ANO10: variants seen among roughly 807,000 people sequenced by gnomAD.
The protein encoded by ANO10 is anoctamin-10.
In ANO10, 77 loss-of-function variants were observed where a neutral mutation model predicts 74.7. The observed-to-expected ratio is 1.03, with a 90% CI of 0.86 to 1.25. ANO10 has a LOEUF of 1.25. Ranked by LOEUF, ANO10 falls within the 50% of genes most tolerant of loss-of-function variation. ANO10 has a pLI of 0.00. For missense variants in ANO10, 721 were observed against 778.1 expected, an observed-to-expected ratio of 0.93 and a Z score of 0.87; for synonymous variants, 279 against 284.9, an observed-to-expected ratio of 0.98 and a Z score of 0.21.
chr3:43,371,702 C>G (rs997756539), intron 12 of ANO10, among the ~76,000 whole-genome samples: 4 of 152,202 alleles, frequency 2.6e-5, no homozygotes, highest in Non-Finnish European at 5.9e-5. Context: ...AAGGGCTTCT[C>G]TACAGGTGTC....
intron 12 of ANO10, among the ~76,000 whole-genome samples, chr3:43,426,870 ATGTC>A (rs2092907026): frequency 6.6e-6 from 1 of 152,304 alleles, no homozygotes; most frequent in South Asian, 2.1e-4. Flanking sequence ...ACCTTCAAGT[ATGTC>A]TAATTTGCCT....
At chr3:43,475,016 C>A (rs2076011176) in intron 11 of ANO10, among the ~76,000 whole-genome samples, 1 of 152,166 alleles carries the variant, frequency 6.6e-6, no homozygotes, top group African/African-American at 2.4e-5. Context: ...TTACCCAAAT[C>A]TTAATAGCCA....
intron 11 of ANO10, among the ~76,000 whole-genome samples, chr3:43,444,282 A>T (rs936451718): frequency 6.6e-6 from 1 of 152,154 alleles, no homozygotes; most frequent in Non-Finnish European, 1.5e-5. Context: ...AGCAATTTAC[A>T]TGTGTTAAAG....
At chr3:43,681,988 A>C (rs997084371) in intron 1 of ANO10, among the ~76,000 whole-genome samples, 2 of 152,216 alleles carry the variant, frequency 1.3e-5, no homozygotes, top group African/African-American at 4.8e-5. Context: ...GAAAGATCTA[A>C]AATTGACACC....
chr3:43,597,371 A>G (rs2082138236), intron 4 of ANO10, among the ~76,000 whole-genome samples: 1 of 152,242 alleles, frequency 6.6e-6, no homozygotes, highest in Admixed American at 6.5e-5. Flanking sequence ...CCAAATGTCT[A>G]TCAGTGATAG....
At chr3:43,546,990 A>G (rs1210567393) in intron 11 of ANO10, among the ~76,000 whole-genome samples, 1 of 152,228 alleles carries the variant, frequency 6.6e-6, no homozygotes, top group Admixed American at 6.5e-5. Flanking sequence ...ACTAAGGCCC[A>G]TTATGATTAA....
intron 9 of ANO10, among the ~76,000 whole-genome samples, chr3:43,559,146 C>A (rs1386831481): frequency 6.6e-6 from 1 of 152,132 alleles, no homozygotes; most frequent in Non-Finnish European, 1.5e-5. Context: ...CCTCCCTCAC[C>A]GTCCTTCATA....
chr3:43,515,597 A>C (rs1355899030), intron 11 of ANO10, among the ~76,000 whole-genome samples: 1 of 152,190 alleles, frequency 6.6e-6, no homozygotes, highest in Non-Finnish European at 1.5e-5. Flanking sequence ...AGAGAAATAC[A>C]ATAAACTTCT....
chr3:43,447,488 C>T (rs2093264797), intron 11 of ANO10, among the ~76,000 whole-genome samples: 1 of 152,164 alleles, frequency 6.6e-6, no homozygotes, highest in South Asian at 2.1e-4. Context: ...ACACACTTAA[C>T]CGCCATTTGC....
At chr3:43,506,059 G>A (rs988950537) in intron 11 of ANO10, among the ~76,000 whole-genome samples, 1 of 152,172 alleles carries the variant, frequency 6.6e-6, no homozygotes, top group East Asian at 1.9e-4. Context: ...GCTATAATTT[G>A]GAATAAGTAC....
chr3:43,648,177 T>C (rs2083746732), intron 1 of ANO10, among the ~76,000 whole-genome samples: 1 of 152,162 alleles, frequency 6.6e-6, no homozygotes, highest in South Asian at 2.1e-4. Context: ...TAAAAATGCA[T>C]TCATTAACTT....
At chr3:43,436,352 G>GGAA (rs1235099259) in intron 11 of ANO10, among the ~76,000 whole-genome samples, 2 of 152,092 alleles carry the variant, frequency 1.3e-5, no homozygotes, top group Non-Finnish European at 2.9e-5. Flanking sequence ...ACAGAGGGGT[G>GGAA]GAAGGAGCCT....
At position 43,576,971 on chromosome 3, in the gene ANO10, T is replaced by C; in HGVS notation, c.883A>G (p.Asn295Asp). 6.2e-7 allele frequency: 1 copy of C among 1,613,956 alleles called. No individual in the cohort carries two copies. The highest frequency in any genetic ancestry group is 8.5e-7 in the Non-Finnish European group (1 of 1,179,834). The part of the protein sequence containing the change: ...RPGFHGVLGI[N>D]SITGKEEPLY... ...GGCTCCTCCTTCCCAGTGATGGAATTGATACCCAAGACACCATGAAATCCT... is the reference window on the plus strand; with the variant it reads ...GGCTCCTCCTTCCCAGTGATGGAATCGATACCCAAGACACCATGAAATCCT... Residue 295 changes from asparagine to aspartate, a missense_variant, in exon 6 of 13, where the codon AAT becomes GAT. Transcript: ENST00000292246.
chr3:43,665,704 G>A (rs544881282), intron 1 of ANO10, among the ~76,000 whole-genome samples: 14 of 151,976 alleles, frequency 9.2e-5, no homozygotes, highest in East Asian at 1.9e-4. Flanking sequence ...TGAGTAATTC[G>A]CAAAATCTTC....
At chr3:43,599,956 T>A (rs1434562912) in intron 3 of ANO10, among the ~76,000 whole-genome samples, 3 of 152,192 alleles carry the variant, frequency 2.0e-5, no homozygotes, top group Non-Finnish European at 4.4e-5. Context: ...TTTTGTTGAC[T>A]TAGAATTGAT....
intron 1 of ANO10, among the ~76,000 whole-genome samples, chr3:43,630,891 T>C (rs994708655): frequency 7.2e-5 from 11 of 151,908 alleles, no homozygotes; most frequent in African/African-American, 2.2e-4. Context: ...GCCTTTTTTT[T>C]CCCCTTTCAC....
At chr3:43,504,280 ATAGGTAGG>A (rs202181247) in intron 11 of ANO10, among the ~76,000 whole-genome samples, 4 of 143,664 alleles carry the variant, frequency 2.8e-5, no homozygotes, top group East Asian at 2.1e-4. Flanking sequence ...AAATAAGTAG[ATAGGTAGG>A]TAGGTAGGTA....
In ANO10 at chr3:43,372,894, G is replaced by T. The variant is rs987197841; in HGVS notation, c.1915-5920C>A. 49 of 1,519,120 alleles carry T rather than the reference G, an allele frequency of 3.2e-5. No individual in the cohort carries two copies. The East Asian group carries it at 1.2e-3, about 36-fold the overall frequency. The allele number at this position is 1,519,120 out of a possible 1,614,324, so 94.1% of individuals were successfully genotyped here. ...TTCTAATTTAGCCAGTAACCTCAGT[G>T]TAATTCCGATGAACTTGTGAAGCCT... On this transcript the variant is annotated intron_variant, in intron 12 of 12. Coordinates refer to ENST00000292246, the MANE Select transcript of ANO10 (RefSeq NM_018075.5).
At chr3:43,457,769 G>C (rs4331652) in intron 11 of ANO10, among the ~76,000 whole-genome samples, 151,704 of 152,338 alleles carry the variant, frequency 1, 75,539 homozygotes, top group Middle Eastern at 1. Flanking sequence ...AAAATAAAAT[G>C]AACTGCAAGG....
Sources: gnomAD v4.1 joint callset for allele counts (sites outside exome capture counted in the v4.1 genomes callset) on GRCh38, gnomAD v4.1.1 for gene constraint, MANE v1.5 for transcripts, NCBI Gene and HGNC (gene_info 2026-07-23, HGNC 2026-07-21) for gene names.